The following WDR37 variants were observed in gnomAD, a reference collection of about 807,000 sequenced individuals.
WDR37 encodes WD repeat-containing protein 37.
Under a neutral mutation model 62.9 loss-of-function variants are expected in WDR37, and 19 were observed. The ratio of observed to expected loss-of-function variants is 0.30; its 90% CI spans 0.21 to 0.44. The LOEUF (loss-of-function observed/expected upper bound fraction) is 0.44. Ranked by LOEUF, WDR37 falls within the 20% of genes least tolerant of loss-of-function variation. The pLI is 1.00. For synonymous variants in WDR37, 250 were observed against 260.9 expected (o/e 0.96, Z 0.40); for missense variants, 474 against 657.6 (o/e 0.72, Z 3.05).
chr10:1,114,529 A>C (rs1158350201), intron 11 of WDR37, among the ~76,000 whole-genome samples: 1 of 152,168 alleles, frequency 6.6e-6, no homozygotes, highest in African/African-American at 2.4e-5. Flanking sequence ...GCGTTTTTAG[A>C]GGTAATGCGG....
chr10:1,077,817 C>A, intron 2 of WDR37, 90 bp from the exon 3 acceptor site: 1 of 949,214 alleles, frequency 1.1e-6, no homozygotes, highest in Non-Finnish European at 1.6e-6. Context: ...TAAGAGTTTA[C>A]AATAAAAGAT....
chr10:1,064,670 A>T (rs965345776), intron 1 of WDR37, among the ~76,000 whole-genome samples: 1 of 133,874 alleles, frequency 7.5e-6, no homozygotes, highest in African/African-American at 2.8e-5. Flanking sequence ...ATCTCAGCTC[A>T]CTACAACCTC....
At chr10:1,081,559 T>C (rs1448267568) in intron 5 of WDR37, among the ~76,000 whole-genome samples, 1 of 152,212 alleles carries the variant, frequency 6.6e-6, no homozygotes, top group Non-Finnish European at 1.5e-5. Flanking sequence ...GGTAATTCTT[T>C]GTTATTCAAA....
intron 1 of WDR37, among the ~76,000 whole-genome samples, chr10:1,060,081 C>T (rs377249596): frequency 1.2e-4 from 19 of 152,286 alleles, no homozygotes; most frequent in African/African-American, 2.6e-4. Flanking sequence ...TCAGGTGATC[C>T]GCCTGCCTGG....
intron 4 of WDR37, 150 bp downstream of exon 4, chr10:1,080,256 G>A (rs1564500318): frequency 3.2e-6 from 4 of 1,269,448 alleles, no homozygotes; most frequent in South Asian, 2.7e-5. Flanking sequence ...TAAGGAGCTC[G>A]GTTCTTGTTC....
chr10:1,082,505 G>A (rs565806445), intron 5 of WDR37, among the ~76,000 whole-genome samples: 3 of 152,286 alleles, frequency 2.0e-5, no homozygotes, highest in South Asian at 4.1e-4. Context: ...TTTCACAACC[G>A]TGCTTTAGAT....
chr10:1,066,567 C>T (rs1833561560), intron 1 of WDR37, among the ~76,000 whole-genome samples: 1 of 152,058 alleles, frequency 6.6e-6, no homozygotes, highest in Admixed American at 6.6e-5. Context: ...TATCAAGATC[C>T]CAGCAAGATT....
At chr10:1,126,263 A>T (rs113900916) in intron 13 of WDR37, among the ~76,000 whole-genome samples, 5 of 151,704 alleles carry the variant, frequency 3.3e-5, no homozygotes, top group Admixed American at 6.6e-5. Context: ...AAAATCAGCC[A>T]GGCGTGGTGG....
chr10:1,112,698 T>C (rs557669787), intron 11 of WDR37, among the ~76,000 whole-genome samples: 1 of 152,350 alleles, frequency 6.6e-6, no homozygotes, highest in East Asian at 1.9e-4. Flanking sequence ...TGAAGGAACT[T>C]TGAGTGGTCT....
chr10:1,105,098 A>C lies in WDR37; in HGVS notation c.962-28A>C. ...CTCTCAGCGTGCTCCTCAGGTGATG[A>C]CCTTGTGTTTTGCCATCTTGGTTAC... On this transcript the variant is annotated intron_variant, in intron 10 of 13. Transcript: ENST00000263150. The surrounding 1 kb of genome is among the most constrained non-coding windows in gnomAD (Gnocchi z 5.3). The C allele has an allele frequency of 6.2e-7, 1 of 1,612,846 alleles. No homozygotes were observed. Among genetic ancestry groups the C allele is most frequent in the Non-Finnish European group, 8.5e-7 (1 of 1,179,118 alleles).
chr10:1,077,000 G>GAAA (rs79171648), intron 2 of WDR37, among the ~76,000 whole-genome samples: 1 of 92,856 alleles, frequency 1.1e-5, no homozygotes, highest in African/African-American at 4.1e-5. Context: ...ACTCTGTCTC[G>GAAA]AAAAAAAAAA....
chr10:1,069,389 A>ATATATTT, intron 1 of WDR37, among the ~76,000 whole-genome samples: 5 of 95,804 alleles, frequency 5.2e-5, no homozygotes, highest in African/African-American at 2.3e-4. Context: ...ATATATATAT[A>ATATATTT]TTTTTTTTTT....
intron 13 of WDR37, among the ~76,000 whole-genome samples, chr10:1,125,279 T>C (rs1222980542): frequency 6.6e-6 from 1 of 152,024 alleles, no homozygotes; most frequent in African/African-American, 2.4e-5. Flanking sequence ...TGCAGTGGCA[T>C]GATCTCACGG....
chr10:1,058,090 C>CACGGTATG lies in WDR37; in HGVS notation c.-41+1122_-41+1123insACGGTATG, dbSNP rs11283910. On this transcript the variant is annotated intron_variant, in intron 1 of 13. Transcript: ENST00000263150. ...GTTAAACACGGTATGTAAATATGAACTCACCAATGTGGAACAAATGGAGTG... is the reference window on the plus strand; with the variant it reads ...GTTAAACACGGTATGTAAATATGAACACGGTATGTCACCAATGTGGAACAAATGGAGTG... Among the ~76,000 whole-genome samples, 87 of 151,892 alleles carry CACGGTATG rather than the reference C, an allele frequency of 5.7e-4. 4 individuals carry two copies. In the South Asian group the frequency reaches 0.017, roughly 30 times the overall value.
At chr10:1,076,294 A>G (rs1833875683) in intron 2 of WDR37, among the ~76,000 whole-genome samples, 1 of 152,082 alleles carries the variant, frequency 6.6e-6, no homozygotes, top group African/African-American at 2.4e-5. Context: ...TGTAAAACTC[A>G]CATTGCTAAA....
chr10:1,104,673 G>T (rs542550465), intron 10 of WDR37, among the ~76,000 whole-genome samples: 6 of 152,300 alleles, frequency 3.9e-5, no homozygotes, highest in East Asian at 1.9e-4. Context: ...GCATGTACGG[G>T]GTGGGGGTGG....
chr10:1,106,609 C>T (rs113439700), intron 11 of WDR37, among the ~76,000 whole-genome samples: 35 of 152,138 alleles, frequency 2.3e-4, no homozygotes, highest in Middle Eastern at 3.4e-3. Flanking sequence ...CTCTGCCTCC[C>T]GGGTTCAAGC....
At chr10:1,128,875 C>T (rs1398950117) in intron 13 of WDR37, among the ~76,000 whole-genome samples, 1 of 151,446 alleles carries the variant, frequency 6.6e-6, no homozygotes, top group Non-Finnish European at 1.5e-5. Flanking sequence ...GCGGTCCATG[C>T]TCGGTGGTCC....
At chr10:1,082,567 G>A (rs537140675) in intron 5 of WDR37, among the ~76,000 whole-genome samples, 1 of 152,324 alleles carries the variant, frequency 6.6e-6, no homozygotes, top group South Asian at 2.1e-4. Flanking sequence ...TCAGTTTGCG[G>A]CTTTGTTCTG....
Sources: allele counts gnomAD v4.1 joint callset (sites outside exome capture counted in the v4.1 genomes callset), GRCh38; gene constraint gnomAD v4.1.1; non-coding constraint Gnocchi (gnomAD v3.1); transcripts MANE v1.5; gene names NCBI Gene and HGNC (gene_info 2026-07-23, HGNC 2026-07-21).